Variants in PMEPA1 observed in about 807,000 individuals in gnomAD.
PMEPA1 encodes the protein protein TMEPAI.
A neutral mutation model predicts 23.0 loss-of-function variants in PMEPA1; 11 were observed. The observed-to-expected ratio is 0.48, with a 90% confidence interval of 0.30 to 0.79. The LOEUF (loss-of-function observed/expected upper bound fraction) is 0.79. Ranked by LOEUF, PMEPA1 falls within the 30% of genes least tolerant of loss-of-function variation. The pLI is 0.06. For synonymous variants in PMEPA1, 204 were observed against 166.4 expected (o/e 1.23, Z -1.74); for missense variants, 377 against 390.9 (o/e 0.96, Z 0.30).
chr20:57,664,304 A>C (rs913097467), intron 1 of PMEPA1, among the ~76,000 whole-genome samples: 2 of 152,132 alleles, frequency 1.3e-5, no homozygotes, highest in African/African-American at 4.8e-5. Context: ...CCTGAGACTC[A>C]GCATGCGGGC....
In PMEPA1 at chr20:57,652,605, G is replaced by A. The variant is rs545662475; in HGVS notation, c.319-7C>T. ...GCGGGGCGTAGACCTGCGGCTGGAG[G>A]AAGCAGAGCGGGAGTGAGGGAGGGC... On this transcript the variant is annotated splice_polypyrimidine_tract_variant and splice_region_variant and intron_variant, in intron 3 of 3. Coordinates refer to ENST00000341744, the MANE Select transcript of PMEPA1 (RefSeq NM_020182.5). The surrounding 1 kb of genome is among the most constrained non-coding windows in gnomAD (Gnocchi z 6.1). 2 of 1,465,554 alleles carry A rather than the reference G, an allele frequency of 1.4e-6. No individual in the cohort carries two copies. The highest frequency in any genetic ancestry group is 2.8e-5 in the South Asian group (2 of 70,434). The allele number at this position is 1,465,554 out of a possible 1,614,324, so 90.8% of individuals were successfully genotyped here. A position where few individuals can be genotyped will look rare whatever the true frequency, so the allele number is the denominator to read the frequency against.
At position 57,651,092 on chromosome 20, in the gene PMEPA1, A is replaced by C. The variant is rs1600766862; in HGVS notation, c.*961T>G. The C allele has an allele frequency of 6.6e-6, 1 of 152,282 alleles. No individual in the cohort carries two copies. Among genetic ancestry groups the C allele is most frequent in the Admixed American group, 6.5e-5 (1 of 15,290 alleles). 9.4% of individuals were successfully genotyped at this position (152,282 alleles called of 1,614,324 possible). On this transcript the variant is annotated 3_prime_UTR_variant, in exon 4 of 4. Coordinates refer to ENST00000341744, the MANE Select transcript of PMEPA1 (RefSeq NM_020182.5). ...GTAACAGTTTATTTTCATTTTTGGG[A>C]AAGGCAAAACCACTACCTGGAACTC...
chr20:57,666,743 C>T (rs1017997186), intron 1 of PMEPA1, among the ~76,000 whole-genome samples: 3 of 152,164 alleles, frequency 2.0e-5, no homozygotes, highest in East Asian at 1.9e-4. Flanking sequence ...AGGAAGGAAG[C>T]GGGTGCCAGG....
chr20:57,702,157 C>T (rs763037936), intron 1 of PMEPA1, among the ~76,000 whole-genome samples: 13 of 152,200 alleles, frequency 8.5e-5, no homozygotes, highest in Non-Finnish European at 1.0e-4. Context: ...TTGTCTGTGT[C>T]GTTCCCTGAC....
At chr20:57,657,027 C>T (rs923375260) in intron 2 of PMEPA1, among the ~76,000 whole-genome samples, 2 of 152,176 alleles carry the variant, frequency 1.3e-5, no homozygotes, top group African/African-American at 4.8e-5. Flanking sequence ...GTGCAGGCGG[C>T]TGGGTAGACA....
At chr20:57,685,974 A>T (rs772455803) in intron 1 of PMEPA1, among the ~76,000 whole-genome samples, 2 of 151,858 alleles carry the variant, frequency 1.3e-5, no homozygotes, top group Non-Finnish European at 2.9e-5. Flanking sequence ...CTTCCCAGGA[A>T]AGAAAGACAG....
intron 1 of PMEPA1, among the ~76,000 whole-genome samples, chr20:57,660,304 CAT>C (rs754641156): frequency 1.4e-4 from 21 of 152,168 alleles, no homozygotes; most frequent in Admixed American, 2.0e-4. Flanking sequence ...CACTCCTACA[CAT>C]ATGTCAACAC....
intron 2 of PMEPA1, among the ~76,000 whole-genome samples, chr20:57,659,159 TCA>T (rs2071370795): frequency 7.2e-6 from 1 of 139,650 alleles, no homozygotes; most frequent in South Asian, 2.2e-4. Flanking sequence ...CATGGCGCTA[TCA>T]CCACTGGGCG....
At chr20:57,658,044 C>A (rs1029822630) in intron 2 of PMEPA1, among the ~76,000 whole-genome samples, 49 of 152,240 alleles carry the variant, frequency 3.2e-4, no homozygotes, top group African/African-American at 1.2e-3. Context: ...TAACTCTGTG[C>A]CGCCCTTTGG....
In PMEPA1 at chr20:57,704,814, G is replaced by C. The variant is rs776271796; in HGVS notation, c.109+4660C>G. Among the ~76,000 whole-genome samples the C allele has an allele frequency of 1.3e-5, 2 of 152,172 alleles. No homozygotes were observed. Among genetic ancestry groups the C allele is most frequent in the Non-Finnish European group, 2.9e-5 (2 of 68,028 alleles). On this transcript the variant is annotated intron_variant, in intron 1 of 3. Transcript: ENST00000341744. The surrounding 1 kb of genome is among the most constrained non-coding windows in gnomAD (Gnocchi z 4.6). ...GGCACACCTGACCCCGTGGCTCTGG[G>C]GCAATTTGGTGGCGGGTGCATCTTG...
In PMEPA1 at chr20:57,684,789, C is replaced by A. The variant is rs1284781840; in HGVS notation, c.109+24685G>T. Reference sequence around the variant, plus strand: ...TTTGTCTAGGCATGTAGGCATGCCACAAAACAAAACATTGCCACAAAAGGA... The same window carrying A: ...TTTGTCTAGGCATGTAGGCATGCCAAAAAACAAAACATTGCCACAAAAGGA... On this transcript the variant is annotated intron_variant, in intron 1 of 3. Coordinates refer to ENST00000341744, the MANE Select transcript of PMEPA1 (RefSeq NM_020182.5). Among the ~76,000 whole-genome samples, 12 of 138,748 alleles carry A rather than the reference C, an allele frequency of 8.6e-5. 1 individual carries two copies. Among genetic ancestry groups the A allele is most frequent in the Admixed American group, 6.8e-4 (9 of 13,254 alleles). The allele number at this position is 138,748 out of a possible 152,430, so 91.0% of individuals were successfully genotyped here. A position where few individuals can be genotyped will look rare whatever the true frequency, so the allele number is the denominator to read the frequency against.
chr20:57,707,692 C>G (rs2072108380), intron 1 of PMEPA1, among the ~76,000 whole-genome samples: 1 of 146,700 alleles, frequency 6.8e-6, no homozygotes, highest in African/African-American at 2.6e-5. Flanking sequence ...GAGACAAGAG[C>G]AAAATGATGC....
chr20:57,688,714 A>G (rs1000772273), intron 1 of PMEPA1, among the ~76,000 whole-genome samples: 11 of 152,244 alleles, frequency 7.2e-5, no homozygotes, highest in African/African-American at 2.7e-4. Context: ...CGAGGCTAAA[A>G]GAGGTACAGG....
intron 1 of PMEPA1, among the ~76,000 whole-genome samples, chr20:57,684,364 C>A (rs977080045): frequency 1.1e-4 from 17 of 152,302 alleles, no homozygotes; most frequent in Admixed American, 4.6e-4. Flanking sequence ...CGGAAGCCTG[C>A]TTCCCTCCTG....
rs1382634781 is a variant in PMEPA1 at position 57,656,910 on chromosome 20, G to A, written c.264+2633C>T. Reference sequence around the variant, plus strand: ...TATGTGGATCTCTATGGAAGGCCGCGGGGCCCAGGGACTCCTGTCTGGCAG... The same window carrying A: ...TATGTGGATCTCTATGGAAGGCCGCAGGGCCCAGGGACTCCTGTCTGGCAG... On this transcript the variant is annotated intron_variant, in intron 2 of 3. Transcript: ENST00000341744. The surrounding 1 kb of genome is among the most constrained non-coding windows in gnomAD (Gnocchi z 4.7). Among the ~76,000 whole-genome samples, 7 of 152,206 alleles carry A rather than the reference G, an allele frequency of 4.6e-5. No individual in the cohort carries two copies. Among genetic ancestry groups the A allele is most frequent in the South Asian group, 2.1e-4 (1 of 4,834 alleles).
chr20:57,675,028 A>AT (rs1211951655), intron 1 of PMEPA1, among the ~76,000 whole-genome samples: 2 of 152,288 alleles, frequency 1.3e-5, no homozygotes, highest in South Asian at 2.1e-4. Context: ...CATGCCCCAT[A>AT]TGGAGGGGTT....
At chr20:57,667,662 G>A (rs1251021084) in intron 1 of PMEPA1, among the ~76,000 whole-genome samples, 1 of 152,218 alleles carries the variant, frequency 6.6e-6, no homozygotes, top group East Asian at 1.9e-4. Flanking sequence ...GCACACCGAG[G>A]AATTAGGAAT....
intron 2 of PMEPA1, among the ~76,000 whole-genome samples, chr20:57,658,330 G>A (rs1386308683): frequency 6.6e-6 from 1 of 152,170 alleles, no homozygotes; most frequent in Non-Finnish European, 1.5e-5. Flanking sequence ...ACCTGGTCCT[G>A]CACAGCACGG....
intron 1 of PMEPA1, among the ~76,000 whole-genome samples, chr20:57,686,358 A>G (rs991852042): frequency 6.6e-6 from 1 of 152,098 alleles, no homozygotes. Context: ...TGCCCTGCTC[A>G]TGGCAGCTTC....
Sources: gnomAD v4.1 joint callset for allele counts (sites outside exome capture counted in the v4.1 genomes callset) on GRCh38, gnomAD v4.1.1 for gene constraint, Gnocchi (gnomAD v3.1) non-coding constraint, MANE v1.5 for transcripts, NCBI Gene and HGNC (gene_info 2026-07-23, HGNC 2026-07-21) for gene names.